Variants in GDPD1 observed in about 807,000 individuals in gnomAD.
GDPD1 encodes lysophospholipase D GDPD1.
GDPD1 carries 28 observed loss-of-function variants against 45.1 expected under a neutral mutation model. That is an observed-to-expected ratio of 0.62 (90% CI 0.46 to 0.85). GDPD1 has a LOEUF of 0.85. Among genes scored for constraint, GDPD1 ranks in the 40% least tolerant of loss-of-function variants. The pLI is 0.00. For missense variants in GDPD1, 256 were observed against 364.8 expected, an observed-to-expected ratio of 0.70 and a Z score of 2.43; for synonymous variants, 139 against 131.4, an observed-to-expected ratio of 1.06 and a Z score of -0.40.
intron 3 of GDPD1, 38 bp from the exon 4 acceptor site, chr17:59,248,702 T>C: frequency 7.0e-7 from 1 of 1,434,712 alleles, no homozygotes; most frequent in Non-Finnish European, 9.7e-7. Context: ...TATTATTTTT[T>C]GAGAGTTAAC....
chr17:59,254,800 G>A (rs1472959457), intron 4 of GDPD1, among the ~76,000 whole-genome samples: 2 of 152,144 alleles, frequency 1.3e-5, no homozygotes, highest in Admixed American at 6.6e-5. Context: ...TTTCATTTGT[G>A]TTAGCTTTGC....
intron 7 of GDPD1, among the ~76,000 whole-genome samples, chr17:59,269,325 G>GT (rs1443145172): frequency 6.6e-6 from 1 of 151,850 alleles, no homozygotes; most frequent in Non-Finnish European, 1.5e-5. Context: ...AATTTAGTCA[G>GT]TACTCTTGTG....
At chr17:59,221,850 A>C (rs1036300110) in intron 1 of GDPD1, among the ~76,000 whole-genome samples, 3 of 152,176 alleles carry the variant, frequency 2.0e-5, no homozygotes, top group Non-Finnish European at 4.4e-5. Flanking sequence ...TAGTACCATA[A>C]TCACTTTACT....
At chr17:59,255,160 TATA>T (rs2047286501) in intron 4 of GDPD1, among the ~76,000 whole-genome samples, 1 of 152,212 alleles carries the variant, frequency 6.6e-6, no homozygotes, top group Admixed American at 6.5e-5. Flanking sequence ...TGATTTGCCA[TATA>T]ATAAGACGGA....
intron 2 of GDPD1, among the ~76,000 whole-genome samples, chr17:59,243,248 G>A (rs2047187444): frequency 1.3e-5 from 2 of 152,068 alleles, no homozygotes; most frequent in East Asian, 1.9e-4. Flanking sequence ...GCTCACGCCT[G>A]TAATCCCAGC....
intron 1 of GDPD1, among the ~76,000 whole-genome samples, chr17:59,225,586 C>T (rs943933127): frequency 6.6e-6 from 1 of 152,030 alleles, no homozygotes; most frequent in South Asian, 2.1e-4. Flanking sequence ...CCGCGGCCTC[C>T]CAAAGTGCTG....
chr17:59,263,618 A>G lies in GDPD1; in HGVS notation c.577-3423A>G, dbSNP rs553922046. Among the ~76,000 whole-genome samples the G allele has an allele frequency of 1.1e-3, 162 of 151,450 alleles. 1 individual carries two copies. Among genetic ancestry groups the G allele is most frequent in the African/African-American group, 3.8e-3 (155 of 41,294 alleles). On this transcript the variant is annotated intron_variant, in intron 6 of 9. Coordinates refer to ENST00000284116, the MANE Select transcript of GDPD1 (RefSeq NM_182569.4). The stretch of plus-strand genomic sequence containing the variant: ...CTCAGCCTCCCGAGTAGCTGGGATT[A>G]CAGGCATGCACCACCACGCCCAGCT...
intron 1 of GDPD1, among the ~76,000 whole-genome samples, chr17:59,222,877 T>C (rs900963563): frequency 3.9e-5 from 6 of 152,188 alleles, no homozygotes; most frequent in Admixed American, 3.3e-4. Flanking sequence ...TACTTTTTTG[T>C]TTGTTGTTTA....
intron 7 of GDPD1, among the ~76,000 whole-genome samples, chr17:59,269,869 C>G (rs764401506): frequency 7.2e-5 from 11 of 152,130 alleles, no homozygotes; most frequent in African/African-American, 1.4e-4. Context: ...TAGCTTTCCT[C>G]TGGCCTGGAG....
At chr17:59,267,017 T>C (rs1226089520) in intron 6 of GDPD1, 24 bp from the exon 7 acceptor site, 1 of 1,577,766 alleles carries the variant, frequency 6.3e-7, no homozygotes, top group Non-Finnish European at 8.7e-7. Flanking sequence ...AAAAATAACA[T>C]GTAATATTGC....
chr17:59,257,888 G>C (rs1459898206), intron 6 of GDPD1, 48 bp downstream of exon 6: 2 of 1,233,842 alleles, frequency 1.6e-6, no homozygotes, highest in Admixed American at 4.2e-5. Context: ...TTGTTGTTTT[G>C]TATCTACAAA....
chr17:59,262,721 G>C (rs2047367156), intron 6 of GDPD1, among the ~76,000 whole-genome samples: 1 of 150,240 alleles, frequency 6.7e-6, no homozygotes, highest in Non-Finnish European at 1.5e-5. Context: ...TCCGCCTTCC[G>C]GGTTCAAGCG....
rs760090329 is a variant in GDPD1 at position 59,220,618 on chromosome 17, C to T, written c.9C>T (p.Ser3=). MS[S]TAAFYLLSTL... ...CCCACACGGTGACTGAGATGTCGTC[C>T]ACTGCGGCTTTTTACCTTCTCTCTA... The change falls in exon 1 of 10, where the codon TCC becomes TCT. Residue 3 remains serine, a synonymous_variant. Coordinates refer to ENST00000284116, the MANE Select transcript of GDPD1 (RefSeq NM_182569.4). 1 of 1,613,652 alleles carries T rather than the reference C, an allele frequency of 6.2e-7. No individual in the cohort carries two copies. The highest frequency in any genetic ancestry group is 1.7e-5 in the Admixed American group (1 of 59,950).
intron 4 of GDPD1, among the ~76,000 whole-genome samples, chr17:59,255,815 G>GTATATATATACACGTATA (rs2047299317): frequency 2.0e-5 from 1 of 49,180 alleles, no homozygotes; most frequent in African/African-American, 1.6e-4. Flanking sequence ...ATATATACGC[G>GTATATATATACACGTATA]TATATATATA....
At chr17:59,231,300 A>C (rs1568338563) in intron 1 of GDPD1, among the ~76,000 whole-genome samples, 2 of 151,944 alleles carry the variant, frequency 1.3e-5, no homozygotes. Context: ...AATGAGAGTA[A>C]ATATGAAAAC....
chr17:59,261,913 CTTTTTTTT>C (rs58058526), intron 6 of GDPD1, among the ~76,000 whole-genome samples: 2 of 79,350 alleles, frequency 2.5e-5, no homozygotes, highest in African/African-American at 6.4e-5. Flanking sequence ...AGATTACAGG[CTTTTTTTT>C]TTTTTTTTTT....
chr17:59,244,515 T>C (rs2047197029), intron 2 of GDPD1, among the ~76,000 whole-genome samples: 1 of 152,084 alleles, frequency 6.6e-6, no homozygotes, highest in African/African-American at 2.4e-5. Flanking sequence ...GTATTTTTAG[T>C]AGAGATGGGG....
intron 6 of GDPD1, among the ~76,000 whole-genome samples, chr17:59,260,497 G>A (rs1488910664): frequency 2.6e-5 from 4 of 151,046 alleles, no homozygotes; most frequent in Admixed American, 1.3e-4. Context: ...AGCTGGGATC[G>A]CACCACTGCA....
At chr17:59,255,762 A>ATATATATATATACGCGT (rs1555724154) in intron 4 of GDPD1, among the ~76,000 whole-genome samples, 1 of 44,356 alleles carries the variant, frequency 2.3e-5, no homozygotes, top group African/African-American at 1.9e-4. Context: ...AAAAAAAAAA[A>ATATATATATATACGCGT]ATATATATAT....
Sources: allele counts gnomAD v4.1 joint callset (sites outside exome capture counted in the v4.1 genomes callset), GRCh38; gene constraint gnomAD v4.1.1; transcripts MANE v1.5; gene names NCBI Gene and HGNC (gene_info 2026-07-23, HGNC 2026-07-21).